KAZN: variants seen among roughly 807,000 people sequenced by gnomAD.
KAZN encodes the protein kazrin.
In KAZN, 40 loss-of-function variants were observed where a neutral mutation model predicts 87.4. The observed-to-expected ratio is 0.46, with a 90% CI of 0.36 to 0.60. KAZN has a LOEUF of 0.60. KAZN is among the 20% of genes least tolerant of loss of function. KAZN has a pLI of 0.00. For missense variants in KAZN, 898 were observed against 1,073.9 expected (o/e 0.84, Z 2.29); for synonymous variants, 466 against 458.3 (o/e 1.02, Z -0.22).
intron 2 of KAZN, among the ~76,000 whole-genome samples, chr1:14,335,798 T>TA (rs1392146444): frequency 6.8e-6 from 1 of 147,860 alleles, no homozygotes; most frequent in Non-Finnish European, 1.5e-5. Context: ...AATTCAGAGA[T>TA]AGAGATGGAA....
chr1:15,088,255 G>A (rs1327921048), intron 8 of KAZN, among the ~76,000 whole-genome samples: 1 of 152,248 alleles, frequency 6.6e-6, no homozygotes, highest in Non-Finnish European at 1.5e-5. Context: ...GGGAGGGCTG[G>A]ATTCGGCCTG....
chr1:14,836,937 T>C (rs969245126), intron 1 of KAZN, among the ~76,000 whole-genome samples: 2 of 152,142 alleles, frequency 1.3e-5, no homozygotes, highest in Admixed American at 1.3e-4. Flanking sequence ...GTGCTTCCCG[T>C]CCACTCCTCC....
chr1:14,473,513 G>C (rs1364199579), intron 2 of KAZN, among the ~76,000 whole-genome samples: 1 of 151,942 alleles, frequency 6.6e-6, no homozygotes, highest in Non-Finnish European at 1.5e-5. Context: ...TGTAGTTCCA[G>C]CTACTTGGGA....
Position 14,323,195 on chromosome 1 carries a change from C to G in KAZN, c.249+142603C>G, listed in dbSNP as rs190521311. Among the ~76,000 whole-genome samples, 168 of 152,170 alleles carry G rather than the reference C, an allele frequency of 1.1e-3. 1 individual carries two copies. The highest frequency in any genetic ancestry group is 3.2e-4 in the Non-Finnish European group (22 of 67,990). On this transcript the variant is annotated intron_variant, in intron 2 of 16. Coordinates refer to the KAZN transcript ENST00000636203. ...TGAGATTAGGGTGGGGACGCAAAAC[C>G]TAACCATATCACCACACTAGCTCTT...
chr1:14,970,746 T>C (rs1664939927), intron 2 of KAZN, among the ~76,000 whole-genome samples: 1 of 152,204 alleles, frequency 6.6e-6, no homozygotes, highest in Non-Finnish European at 1.5e-5. Flanking sequence ...AAGTCTTCCA[T>C]TTATCCTGAG....
At position 14,352,372 on chromosome 1, in the gene KAZN, G is replaced by A. The variant is rs1035734223; in HGVS notation, c.249+171780G>A. ...GCATTAAAAGGGCCCTTAGGTAGAG[G>A]AAATAATATAATATGGTCTTCCCTG... On this transcript the variant is annotated intron_variant, in intron 2 of 16. Coordinates refer to the KAZN transcript ENST00000636203. 7.9e-5 allele frequency among the ~76,000 whole-genome samples: 12 copies of A among 151,954 alleles called. 1 individual carries two copies. Among genetic ancestry groups the A allele is most frequent in the African/African-American group, 2.9e-4 (12 of 41,354 alleles).
chr1:14,317,474 T>G (rs1365781757), intron 2 of KAZN, among the ~76,000 whole-genome samples: 1 of 152,006 alleles, frequency 6.6e-6, no homozygotes, highest in Non-Finnish European at 1.5e-5. Flanking sequence ...CTAAAAAAAT[T>G]AGCTTAACAG....
At chr1:14,598,429 G>A (rs961882481), upstream of KAZN, among the ~76,000 whole-genome samples, 25 of 152,254 alleles carry the variant, frequency 1.6e-4, no homozygotes, top group Admixed American at 1.4e-3. The surrounding 1 kb of genome is among the most constrained non-coding windows in gnomAD (Gnocchi z 4.2). Flanking sequence ...GTTCTCCAGG[G>A]CGGGGGCTGC....
intron 1 of KAZN, among the ~76,000 whole-genome samples, chr1:13,961,422 A>G (rs1641748368): frequency 6.6e-6 from 1 of 152,202 alleles, no homozygotes; most frequent in African/African-American, 2.4e-5. Flanking sequence ...GTAAAGCCAC[A>G]GCAAGAGGGT....
intron 1 of KAZN, among the ~76,000 whole-genome samples, chr1:14,727,214 G>A (rs1042143100): frequency 5.3e-5 from 8 of 152,142 alleles, no homozygotes; most frequent in Admixed American, 1.3e-4. Flanking sequence ...ACCCAGCACT[G>A]GGCAGGGAGA....
At chr1:14,335,734 C>T (rs917613260) in intron 2 of KAZN, among the ~76,000 whole-genome samples, 8 of 151,736 alleles carry the variant, frequency 5.3e-5, no homozygotes, top group Non-Finnish European at 5.9e-5. Context: ...CTAATATAGG[C>T]GTGCATGTGC....
intron 1 of KAZN, among the ~76,000 whole-genome samples, chr1:14,145,301 C>T (rs1047757916): frequency 6.6e-6 from 1 of 151,882 alleles, no homozygotes; most frequent in Non-Finnish European, 1.5e-5. Flanking sequence ...AAAAATTAGC[C>T]GGGCATGGTG....
At chr1:13,996,466 A>T (rs928488390) in intron 1 of KAZN, among the ~76,000 whole-genome samples, 2 of 152,128 alleles carry the variant, frequency 1.3e-5, no homozygotes, top group African/African-American at 2.4e-5. Flanking sequence ...GAAGGGCAGC[A>T]TTCATCTCTA....
chr1:14,745,214 T>C (rs1036855567), intron 1 of KAZN, among the ~76,000 whole-genome samples: 6 of 147,810 alleles, frequency 4.1e-5, no homozygotes, highest in African/African-American at 1.5e-4. Flanking sequence ...AAGACCGATC[T>C]GCAGCCTGGC....
chr1:14,260,519 A>G (rs1650930704), intron 2 of KAZN, among the ~76,000 whole-genome samples: 1 of 152,146 alleles, frequency 6.6e-6, no homozygotes, highest in South Asian at 2.1e-4. Context: ...GAAGTCAGAT[A>G]GGGGGATGTA....
At chr1:14,567,404 A>C (rs1674607095) in intron 2 of KAZN, among the ~76,000 whole-genome samples, 1 of 152,244 alleles carries the variant, frequency 6.6e-6, no homozygotes, top group Non-Finnish European at 1.5e-5. Flanking sequence ...AATGATAATG[A>C]AAAAGTTTGA....
At chr1:14,863,363 G>A (rs1651088720) in intron 1 of KAZN, among the ~76,000 whole-genome samples, 1 of 152,296 alleles carries the variant, frequency 6.6e-6, no homozygotes, top group African/African-American at 2.4e-5. Flanking sequence ...TCCCTCCGGG[G>A]GATGCCAGGT....
At chr1:14,474,393 T>TAGGTG (rs1668610742) in intron 2 of KAZN, among the ~76,000 whole-genome samples, 1 of 152,116 alleles carries the variant, frequency 6.6e-6, no homozygotes, top group Admixed American at 6.5e-5. Context: ...CACTTCTGAT[T>TAGGTG]AGGTGATGTG....
chr1:14,031,077 T>G (rs1641308576), intron 1 of KAZN, among the ~76,000 whole-genome samples: 1 of 152,184 alleles, frequency 6.6e-6, no homozygotes, highest in East Asian at 1.9e-4. Flanking sequence ...GGTTGAAGGG[T>G]CAATATAGGA....
Sources: gnomAD v4.1 joint callset for allele counts (sites outside exome capture counted in the v4.1 genomes callset) on GRCh38, gnomAD v4.1.1 for gene constraint, Gnocchi (gnomAD v3.1) non-coding constraint, MANE v1.5 for transcripts, NCBI Gene and HGNC (gene_info 2026-07-23, HGNC 2026-07-21) for gene names.